Variants in ZFYVE9 observed in about 807,000 individuals in gnomAD.
ZFYVE9 encodes the protein zinc finger FYVE-type containing 9.
Under a neutral mutation model 126.7 loss-of-function variants are expected in ZFYVE9, and 43 were observed. The observed-to-expected ratio is 0.34, with a 90% CI of 0.27 to 0.44. ZFYVE9 has a LOEUF of 0.44. ZFYVE9 is among the 20% of genes least tolerant of loss of function. The pLI is 1.00. For missense variants in ZFYVE9, 1,476 were observed against 1,697.0 expected (o/e 0.87, Z 2.29); for synonymous variants, 521 against 597.4 (o/e 0.87, Z 1.87).
At chr1:52,219,641 A>G (rs547219577) in intron 2 of ZFYVE9, among the ~76,000 whole-genome samples, 12 of 152,136 alleles carry the variant, frequency 7.9e-5, no homozygotes, top group Admixed American at 2.6e-4. Flanking sequence ...GGTGGAAGAC[A>G]GACCAAATAT....
intron 10 of ZFYVE9, 130 bp from the exon 11 acceptor site, chr1:52,293,323 G>A: frequency 2.7e-6 from 2 of 742,246 alleles, no homozygotes. Context: ...AGCTTGCAGT[G>A]AGCCAAGATT....
intron 15 of ZFYVE9, 106 bp downstream of exon 15, chr1:52,334,874 G>A: frequency 8.9e-7 from 1 of 1,117,910 alleles, no homozygotes; most frequent in African/African-American, 1.6e-5. Flanking sequence ...TGTTTTTTCA[G>A]TAGCATCTCT....
chr1:52,226,211 A>G (rs368222121), intron 2 of ZFYVE9, among the ~76,000 whole-genome samples: 1 of 152,134 alleles, frequency 6.6e-6, no homozygotes, highest in Non-Finnish European at 1.5e-5. Flanking sequence ...AGAAGGGAAG[A>G]TGGAGCCTCC....
chr1:52,305,190 C>T (rs1405939315), intron 13 of ZFYVE9, among the ~76,000 whole-genome samples: 1 of 152,176 alleles, frequency 6.6e-6, no homozygotes, highest in African/African-American at 2.4e-5. Flanking sequence ...CTTGTAATCC[C>T]AGCACTTTGG....
At chr1:52,320,315 CT>C (rs778806793) in intron 13 of ZFYVE9, among the ~76,000 whole-genome samples, 45 of 152,224 alleles carry the variant, frequency 3.0e-4, no homozygotes, top group Non-Finnish European at 5.4e-4. Context: ...GGTGATCCAC[CT>C]ACCTCGGCCT....
intron 2 of ZFYVE9, among the ~76,000 whole-genome samples, chr1:52,230,637 G>A (rs1645212650): frequency 6.6e-6 from 1 of 151,966 alleles, no homozygotes; most frequent in South Asian, 2.1e-4. Context: ...TTTTGCTGGG[G>A]TACCCTTGGC....
intron 13 of ZFYVE9, among the ~76,000 whole-genome samples, chr1:52,316,719 G>T (rs897535308): frequency 1.3e-5 from 2 of 152,056 alleles, no homozygotes; most frequent in Admixed American, 6.6e-5. Flanking sequence ...AAAACAAAAG[G>T]TTAAATGGAG....
chr1:52,295,844 C>G (rs546419702), intron 11 of ZFYVE9, 51 bp from the exon 12 acceptor site: 1 of 1,478,138 alleles, frequency 6.8e-7, no homozygotes, highest in African/African-American at 1.4e-5. Flanking sequence ...ATCTCTTTTA[C>G]CAAAGTTTTA....
chr1:52,254,074 C>A, intron 4 of ZFYVE9: 1 of 769,646 alleles, frequency 1.3e-6, no homozygotes, highest in Non-Finnish European at 2.2e-6. Flanking sequence ...AAAAGACACC[C>A]ACCCATATGA....
At chr1:52,300,863 G>GTT (rs747924233) in intron 12 of ZFYVE9, among the ~76,000 whole-genome samples, 9 of 137,254 alleles carry the variant, frequency 6.6e-5, no homozygotes, top group Admixed American at 7.4e-5. Flanking sequence ...AGGTTTTTTG[G>GTT]TTTTTTTTTT....
chr1:52,284,983 T>A (rs1645844146), intron 10 of ZFYVE9, among the ~76,000 whole-genome samples: 1 of 152,194 alleles, frequency 6.6e-6, no homozygotes, highest in Admixed American at 6.5e-5. Flanking sequence ...AGGAATCATT[T>A]CACAACTCAT....
At chr1:52,196,639 A>G (rs1001216104) in intron 1 of ZFYVE9, among the ~76,000 whole-genome samples, 19 of 152,190 alleles carry the variant, frequency 1.2e-4, no homozygotes, top group Non-Finnish European at 2.2e-4. Flanking sequence ...CCGGTCTCAG[A>G]AAAAATTGGT....
chr1:52,266,541 G>C, intron 5 of ZFYVE9, 114 bp from the exon 6 acceptor site: 1 of 854,860 alleles, frequency 1.2e-6, no homozygotes, highest in Non-Finnish European at 1.7e-6. Context: ...GTGGAAGAGA[G>C]ACATACTATG....
intron 2 of ZFYVE9, among the ~76,000 whole-genome samples, chr1:52,229,487 A>G (rs1376998981): frequency 6.6e-6 from 1 of 152,226 alleles, no homozygotes; most frequent in African/African-American, 2.4e-5. Flanking sequence ...TTCTTCCCCA[A>G]TAATAATTTA....
intron 4 of ZFYVE9, chr1:52,253,745 T>C (rs1273728089): frequency 6.2e-7 from 1 of 1,607,802 alleles, no homozygotes; most frequent in African/African-American, 1.3e-5. Flanking sequence ...GGATTTGGAG[T>C]GGATCAGTTA....
intron 3 of ZFYVE9, among the ~76,000 whole-genome samples, chr1:52,236,468 A>G (rs1251682071): frequency 6.6e-6 from 1 of 152,194 alleles, no homozygotes; most frequent in Non-Finnish European, 1.5e-5. Flanking sequence ...GCATAATTTC[A>G]GGACCATGAT....
intron 10 of ZFYVE9, among the ~76,000 whole-genome samples, chr1:52,291,529 A>G (rs1645920296): frequency 6.6e-6 from 1 of 152,192 alleles, no homozygotes; most frequent in Non-Finnish European, 1.5e-5. Flanking sequence ...TGAAGGGTTG[A>G]TATGTTTGTT....
chr1:52,281,845 C>A, intron 10 of ZFYVE9, 29 bp downstream of exon 10: 1 of 1,610,492 alleles, frequency 6.2e-7, no homozygotes, highest in Non-Finnish European at 8.5e-7. Context: ...TTAGTCTGCT[C>A]CCTTTGTAGA....
intron 13 of ZFYVE9, among the ~76,000 whole-genome samples, chr1:52,309,510 A>G (rs900179329): frequency 6.6e-6 from 1 of 151,972 alleles, no homozygotes; most frequent in African/African-American, 2.4e-5. Flanking sequence ...AAAGGGCAGA[A>G]AAGACCTTAA....
Sources: allele counts gnomAD v4.1 joint callset (sites outside exome capture counted in the v4.1 genomes callset), GRCh38; gene constraint gnomAD v4.1.1; transcripts MANE v1.5; gene names NCBI Gene and HGNC (gene_info 2026-07-23, HGNC 2026-07-21).